The following SNAP25 variants were observed in gnomAD, a reference collection of about 807,000 sequenced individuals.
SNAP25 encodes the protein synaptosomal-associated protein 25.
SNAP25 carries 3 observed loss-of-function variants against 28.7 expected under a neutral mutation model. That is an observed-to-expected ratio of 0.10 (90% CI 0.05 to 0.27). The LOEUF (loss-of-function observed/expected upper bound fraction) is 0.27, where lower values mean the gene tolerates loss of function less well. Ranked by LOEUF, SNAP25 falls within the 10% of genes least tolerant of loss-of-function variation. The pLI is 1.00. For missense variants in SNAP25, 117 were observed against 278.7 expected, an observed-to-expected ratio of 0.42 and a Z score of 4.13; for synonymous variants, 61 against 88.1, an observed-to-expected ratio of 0.69 and a Z score of 1.72.
At chr20:10,221,875 G>C (rs914163746) in intron 1 of SNAP25, among the ~76,000 whole-genome samples, 4 of 152,210 alleles carry the variant, frequency 2.6e-5, no homozygotes, top group African/African-American at 4.8e-5. Context: ...TAGTAGAAAC[G>C]AGAAAAATAA....
intron 1 of SNAP25, among the ~76,000 whole-genome samples, chr20:10,236,814 A>G (rs1033809855): frequency 6.6e-6 from 1 of 152,112 alleles, no homozygotes; most frequent in African/African-American, 2.4e-5. Flanking sequence ...AGGCACTTCC[A>G]TAGGGCATTC....
At position 10,277,711 on chromosome 20, in the gene SNAP25, G is replaced by A. The variant is rs1189490016; in HGVS notation, c.99G>A (p.Leu33=). The A allele has an allele frequency of 6.2e-7, 1 of 1,613,756 alleles. No individual in the cohort carries two copies. Residue 33 remains leucine, a synonymous_variant, in exon 3 of 8, where the codon CTG becomes CTA. Coordinates refer to ENST00000254976, the MANE Select transcript of SNAP25 (RefSeq NM_130811.4). ...CGCTGGAAAGCACCCGTCGTATGCT[G>A]CAACTGGTTGAAGAGGTAAGAAGTG... is the stretch of plus-strand genomic sequence containing the variant. ...DESLESTRRM[L]QLVEESKDAG...
chr20:10,239,594 G>A (rs754363808), intron 1 of SNAP25, among the ~76,000 whole-genome samples: 10 of 152,216 alleles, frequency 6.6e-5, no homozygotes, highest in East Asian at 1.9e-4. Flanking sequence ...CTAACTGAGC[G>A]CTCTATGCAT....
intron 1 of SNAP25, among the ~76,000 whole-genome samples, chr20:10,256,632 A>C (rs999206644): frequency 6.6e-6 from 1 of 152,200 alleles, no homozygotes; most frequent in South Asian, 2.1e-4. Context: ...TTGACCTGTA[A>C]ATCCACTCCT....
intron 1 of SNAP25, among the ~76,000 whole-genome samples, chr20:10,237,771 T>G (rs1267354515): frequency 6.6e-6 from 1 of 152,138 alleles, no homozygotes; most frequent in Non-Finnish European, 1.5e-5. Flanking sequence ...TCCCTCAGCT[T>G]AAAAATAACA....
chr20:10,252,367 C>T (rs1226194357), intron 1 of SNAP25, among the ~76,000 whole-genome samples: 1 of 152,018 alleles, frequency 6.6e-6, no homozygotes. Flanking sequence ...CCCTCCAGGC[C>T]ATACAACTAC....
chr20:10,300,789 A>G (rs1054635846), intron 7 of SNAP25, among the ~76,000 whole-genome samples: 15 of 152,214 alleles, frequency 9.9e-5, no homozygotes, highest in African/African-American at 3.4e-4. Context: ...TTTTGCAAGT[A>G]ATGGCATGCT....
chr20:10,283,469 C>T (rs985509169), intron 3 of SNAP25, among the ~76,000 whole-genome samples: 1 of 152,186 alleles, frequency 6.6e-6, no homozygotes, highest in Admixed American at 6.5e-5. Flanking sequence ...GACTTTGCCA[C>T]TAAAGCCTAT....
chr20:10,292,857 A>G (rs769433276), intron 4 of SNAP25: 1 of 1,509,528 alleles, frequency 6.6e-7, no homozygotes, highest in East Asian at 2.3e-5. Context: ...TTCATTCCAC[A>G]CTGTCATCCC....
chr20:10,282,920 T>C (rs934702327), intron 3 of SNAP25, among the ~76,000 whole-genome samples: 28 of 152,208 alleles, frequency 1.8e-4, no homozygotes, highest in African/African-American at 5.8e-4. Flanking sequence ...TTTTGAAATG[T>C]CTTTTGTAGT....
Position 10,228,275 on chromosome 20 carries a change from A to G in SNAP25, c.-64+9298A>G, listed in dbSNP as rs951430310. ...GTGTGCTGCACTGGGCACTTGATGTATGTTGTTTCCTTTATTTTCCATGGC... is the reference window on the plus strand; with the variant it reads ...GTGTGCTGCACTGGGCACTTGATGTGTGTTGTTTCCTTTATTTTCCATGGC... On this transcript the variant is annotated intron_variant, in intron 1 of 7. Transcript: ENST00000254976. 5.3e-5 allele frequency among the ~76,000 whole-genome samples: 8 copies of G among 152,130 alleles called. No individual in the cohort carries two copies. The South Asian group carries it at 1.2e-3, about 24-fold the overall frequency.
chr20:10,220,973 T>A (rs893193525), intron 1 of SNAP25, among the ~76,000 whole-genome samples: 1 of 152,250 alleles, frequency 6.6e-6, no homozygotes, highest in East Asian at 1.9e-4. Context: ...TTATTTTGCA[T>A]GGATGTAAAA....
intron 4 of SNAP25, among the ~76,000 whole-genome samples, chr20:10,286,581 C>T (rs771427151): frequency 6.6e-6 from 1 of 152,096 alleles, no homozygotes; most frequent in Non-Finnish European, 1.5e-5. Context: ...TTGAAGCATC[C>T]CAGGAAGAGC....
intron 1 of SNAP25, among the ~76,000 whole-genome samples, chr20:10,270,271 A>G (rs1238637977): frequency 6.6e-6 from 1 of 152,138 alleles, no homozygotes; most frequent in Non-Finnish European, 1.5e-5. Context: ...AGCAAGAAGA[A>G]AAAACTACAG....
chr20:10,228,316 C>T (rs577810304), intron 1 of SNAP25, among the ~76,000 whole-genome samples: 18 of 152,202 alleles, frequency 1.2e-4, no homozygotes, highest in South Asian at 6.2e-4. Context: ...TAAAAGAGTT[C>T]GGAACACTTG....
chr20:10,233,173 C>T (rs1452281569), intron 1 of SNAP25, among the ~76,000 whole-genome samples: 1 of 152,120 alleles, frequency 6.6e-6, no homozygotes, highest in African/African-American at 2.4e-5. Flanking sequence ...CCTATCATGA[C>T]CATATTATGT....
chr20:10,285,599 ATT>A (rs946432834), intron 4 of SNAP25, among the ~76,000 whole-genome samples: 1 of 151,782 alleles, frequency 6.6e-6, no homozygotes, highest in Non-Finnish European at 1.5e-5. Context: ...AGTCATGACT[ATT>A]TTTTTTATGG....
intron 1 of SNAP25, among the ~76,000 whole-genome samples, chr20:10,241,084 C>T (rs2063022005): frequency 6.6e-6 from 1 of 152,118 alleles, no homozygotes; most frequent in Admixed American, 6.5e-5. Context: ...TCAAGAGAGG[C>T]CCAGTGTGAA....
intron 1 of SNAP25, among the ~76,000 whole-genome samples, chr20:10,267,663 T>TGCCTCA (rs781423990): frequency 2.0e-5 from 3 of 152,180 alleles, no homozygotes; most frequent in African/African-American, 7.2e-5. Context: ...AGGTTTCTCC[T>TGCCTCA]GCCTCAGCCT....
Sources: allele counts gnomAD v4.1 joint callset (sites outside exome capture counted in the v4.1 genomes callset), GRCh38; gene constraint gnomAD v4.1.1; transcripts MANE v1.5; gene names NCBI Gene and HGNC (gene_info 2026-07-23, HGNC 2026-07-21).